The following ACHE variants were observed in gnomAD, a reference collection of about 807,000 sequenced individuals.
ACHE encodes the protein acetylcholinesterase.
ACHE carries 19 observed loss-of-function variants against 53.9 expected under a neutral mutation model. The ratio of observed to expected loss-of-function variants is 0.35; its 90% CI spans 0.25 to 0.52. The LOEUF (loss-of-function observed/expected upper bound fraction) is 0.52. Ranked by LOEUF, ACHE falls within the 20% of genes least tolerant of loss-of-function variation. The probability of loss-of-function intolerance (pLI) is 0.95; values close to 1 mark genes in which losing one functional copy is unlikely to be tolerated. For synonymous variants in ACHE, 392 were observed against 378.1 expected, an observed-to-expected ratio of 1.04 and a Z score of -0.43; for missense variants, 605 against 849.4, an observed-to-expected ratio of 0.71 and a Z score of 3.58.
chr7:100,891,474 T>C, intron 3 of ACHE, 136 bp from the exon 4 acceptor site: 2 of 844,146 alleles, frequency 2.4e-6, no homozygotes, highest in Non-Finnish European at 1.7e-6. Flanking sequence ...CTTTCTCCAA[T>C]GTGCGCGGTC....
At chr7:100,890,977 G>T in intron 4 of ACHE, 192 bp downstream of exon 4, 1 of 1,463,818 alleles carries the variant, frequency 6.8e-7, no homozygotes. Flanking sequence ...CCGGAGGTGG[G>T]AGAGGAAGAG....
chr7:100,895,635 G>A (rs1207154321), intron 1 of ACHE, among the ~76,000 whole-genome samples, 167 bp downstream of exon 1: 1 of 152,220 alleles, frequency 6.6e-6, no homozygotes, highest in East Asian at 1.9e-4. Flanking sequence ...GTGAGTGTGA[G>A]GCGGCCGGGG....
At chr7:100,895,367 GGGAGGGGGCGTCCTGGGCCTC>G (rs1563040667) in intron 1 of ACHE, among the ~76,000 whole-genome samples, 1 of 152,164 alleles carries the variant, frequency 6.6e-6, no homozygotes, top group Non-Finnish European at 1.5e-5. Context: ...GAGTCTCCGC[GGGAGGGGGCGTCCTGGGCCTC>G]GGAGGGGGCC....
intron 4 of ACHE, 35 bp downstream of exon 4, chr7:100,891,134 C>T (rs1167019526): frequency 1.3e-6 from 2 of 1,572,762 alleles, no homozygotes; most frequent in African/African-American, 1.3e-5. Flanking sequence ...TCCCACTCCC[C>T]TCCTCCCAGC....
chr7:100,891,701 T>C (rs1034641793), intron 3 of ACHE, among the ~76,000 whole-genome samples: 10 of 151,982 alleles, frequency 6.6e-5, no homozygotes, highest in Non-Finnish European at 4.4e-5. Context: ...TAAACTGGTG[T>C]GTGTGTGAGA....
intron 1 of ACHE, chr7:100,894,527 T>G: frequency 1.1e-5 from 3 of 281,306 alleles, no homozygotes; most frequent in Non-Finnish European, 1.3e-5. Context: ...AGGGGTCCAC[T>G]GCCCTCACCT....
chr7:100,891,313 T>G lies in ACHE; in HGVS notation c.1579A>C (p.Lys527Gln), dbSNP rs1470036390. 1.9e-6 allele frequency: 3 copies of G among 1,578,248 alleles called. No individual in the cohort carries two copies. The Admixed American group carries it at 5.4e-5, about 29-fold the overall frequency. ...TGDPNEPRDP[K>Q]APQWPPYTAG... The stretch of plus-strand genomic sequence containing the variant: ...GTGTACGGGGGCCATTGTGGGGCCT[T>G]GGGGTCTCGGGGCTCATTGGGATCC... Residue 527 changes from lysine to glutamine, a missense_variant, in exon 4 of 5, where the codon AAG (lysine) becomes CAG (glutamine). Physicochemically the swap from Lys to Gln is moderately conservative, Grantham distance 53. Transcript: ENST00000241069.
chr7:100,890,637 A>G (rs1429593977), intron 4 of ACHE: 2 of 1,374,104 alleles, frequency 1.5e-6, no homozygotes, highest in Non-Finnish European at 1.9e-6. Flanking sequence ...AAGAGACAGA[A>G]ATGGTTGACC....
intron 4 of ACHE, chr7:100,890,863 G>C: frequency 6.9e-7 from 1 of 1,448,486 alleles, no homozygotes; most frequent in Non-Finnish European, 9.1e-7. Context: ...GAGGAAGGGA[G>C]CACTAGGTCT....
At chr7:100,890,640 G>T in intron 4 of ACHE, 1 of 1,382,938 alleles carries the variant, frequency 7.2e-7, no homozygotes, top group Non-Finnish European at 9.4e-7. Context: ...AGACAGAAAT[G>T]GTTGACCGTT....
At chr7:100,891,426 C>T in intron 3 of ACHE, 88 bp from the exon 4 acceptor site, 1 of 1,351,280 alleles carries the variant, frequency 7.4e-7, no homozygotes, top group African/African-American at 1.5e-5. Flanking sequence ...TTCAGCTCAG[C>T]GGAGAGCCCC....
At chr7:100,890,947 A>T in intron 4 of ACHE, 1 of 1,471,054 alleles carries the variant, frequency 6.8e-7, no homozygotes, top group African/African-American at 1.4e-5. Context: ...CCGTAGGGGA[A>T]GAGGCCGTGT....
chr7:100,891,518 C>T (rs762241314), intron 3 of ACHE, among the ~76,000 whole-genome samples, 180 bp from the exon 4 acceptor site: 1 of 152,194 alleles, frequency 6.6e-6, no homozygotes, highest in African/African-American at 2.4e-5. Context: ...CGCTCCGTCT[C>T]CTTCCGTTTC....
At chr7:100,891,041 C>A (rs770340900) in intron 4 of ACHE, 128 bp downstream of exon 4, 11 of 1,460,276 alleles carry the variant, frequency 7.5e-6, no homozygotes, top group Non-Finnish European at 1.0e-5. Context: ...GGCCTCGGAG[C>A]AGCCTCCCCA....
intron 2 of ACHE, 133 bp downstream of exon 2, chr7:100,893,032 G>A (rs1790796159): frequency 3.3e-6 from 4 of 1,219,276 alleles, no homozygotes; most frequent in Non-Finnish European, 4.5e-6. Flanking sequence ...CCTGGGATCT[G>A]AGCCCTCAGG....
Position 100,891,327 on chromosome 7 carries a change from T to G in ACHE, c.1565A>C (p.Glu522Ala). 1 of 1,554,522 alleles carries G rather than the reference T, an allele frequency of 6.4e-7. No homozygotes were observed. Among genetic ancestry groups the G allele is most frequent in the African/African-American group, 1.4e-5 (1 of 72,632 alleles). The change falls in exon 4 of 5, where the codon GAG (glutamate) becomes GCG (alanine). Residue 522 changes from glutamate to alanine, a missense_variant. This residue lies in a region of ACHE where 91 missense variants were observed against 83.2 expected (regional missense o/e 1.09). Coordinates refer to ENST00000241069, the MANE Select transcript of ACHE (RefSeq NM_000665.5). Reference sequence around the variant, plus strand: ...TTGTGGGGCCTTGGGGTCTCGGGGCTCATTGGGATCCCTGCGGAAGGAAGG... The same window carrying G: ...TTGTGGGGCCTTGGGGTCTCGGGGCGCATTGGGATCCCTGCGGAAGGAAGG... ...ANFARTGDPN[E>A]PRDPKAPQWP...
rs762158685 is a variant in ACHE, at chr7:100,893,618, C to T, written c.615G>A (p.Leu205=). 5.6e-6 allele frequency: 9 copies of T among 1,612,974 alleles called. 1 individual carries two copies. The South Asian group carries it at 6.6e-5, about 12-fold the overall frequency. ...SREAPGNVGL[L]DQRLALQWVQ... is the part of the protein sequence containing the mutation. ...CCCACTGCAGGGCCAGCCTCTGATC[C>T]AGGAGACCCACATTGCCCGGGGCCT... Residue 205 remains leucine, a synonymous_variant, in exon 2 of 5, where the codon CTG becomes CTA. Coordinates refer to ENST00000241069, the MANE Select transcript of ACHE (RefSeq NM_000665.5).
intron 1 of ACHE, among the ~76,000 whole-genome samples, chr7:100,894,828 G>C (rs371789312): frequency 1.7e-4 from 26 of 151,942 alleles, no homozygotes; most frequent in African/African-American, 5.8e-4. Flanking sequence ...CTGGCACCGA[G>C]CGCTGATGCC....
At position 100,894,130 on chromosome 7, in the gene ACHE, C is replaced by T. The variant is rs1404482987; in HGVS notation, c.103G>A (p.Glu35Lys). 3 of 1,492,970 alleles carry T rather than the reference C, an allele frequency of 2.0e-6. No individual in the cohort carries two copies. Among genetic ancestry groups the T allele is most frequent in the Non-Finnish European group, 1.8e-6 (2 of 1,126,032 alleles). 92.5% of individuals were successfully genotyped at this position (1,492,970 alleles called of 1,614,324 possible). A position where few individuals can be genotyped will look rare whatever the true frequency, so the allele number is the denominator to read the frequency against. The change falls in exon 2 of 5, where the codon GAG becomes AAG. Residue 35 changes from glutamate (E) to lysine (K), a missense_variant. Glu to Lys is a moderately conservative substitution (Grantham distance 56, BLOSUM62 1). Transcript: ENST00000241069. ...ACCGTCACCAGCAGCTCTGCATCCTCCCGGCCCTCAGCCCCCACTCCTCCA... is the reference window on the plus strand; with the variant it reads ...ACCGTCACCAGCAGCTCTGCATCCTTCCGGCCCTCAGCCCCCACTCCTCCA... ...LGGGVGAEGR[E>K]DAELLVTVRG...
Sources: allele counts gnomAD v4.1 joint callset (sites outside exome capture counted in the v4.1 genomes callset), GRCh38; gene constraint gnomAD v4.1.1; regional missense constraint gnomAD v4.1.1; transcripts MANE v1.5; gene names NCBI Gene and HGNC (gene_info 2026-07-23, HGNC 2026-07-21).